Variants in GALNT18 observed in about 807,000 individuals in gnomAD.
GALNT18 encodes polypeptide N-acetylgalactosaminyltransferase 18.
Under a neutral mutation model 69.5 loss-of-function variants are expected in GALNT18, and 44 were observed. The observed-to-expected ratio is 0.63, with a 90% CI of 0.50 to 0.81. The LOEUF (loss-of-function observed/expected upper bound fraction) is 0.81, where lower values mean the gene tolerates loss of function less well. GALNT18 is among the 40% of genes least tolerant of loss of function. The pLI, the probability that GALNT18 is intolerant of heterozygous loss-of-function variation, is 0.00. For synonymous variants in GALNT18, 364 were observed against 318.2 expected, an observed-to-expected ratio of 1.14 and a Z score of -1.53; for missense variants, 715 against 810.0, an observed-to-expected ratio of 0.88 and a Z score of 1.42.
rs113741072 is a variant in GALNT18, at chr11:11,586,799, C to T, written c.235+34560G>A. 0.032 allele frequency among the ~76,000 whole-genome samples: 4,502 copies of T among 140,386 alleles called. 214 individuals are homozygous for T. Among genetic ancestry groups the T allele is most frequent in the African/African-American group, 0.11 (4,251 of 39,070 alleles). The allele number at this position is 140,386 out of a possible 152,430, so 92.1% of individuals were successfully genotyped here. On this transcript the variant is annotated intron_variant, in intron 1 of 10. Transcript: ENST00000227756. The surrounding 1 kb of genome is among the most constrained non-coding windows in gnomAD (Gnocchi z 4.1). ...GACCAGCCTGGCCAACATGGTTAAA[C>T]ACCATCTCTACTAAAAACACACACA...
chr11:11,274,818 T>C (rs1014148978), intron 10 of GALNT18, among the ~76,000 whole-genome samples: 3 of 152,238 alleles, frequency 2.0e-5, no homozygotes, highest in African/African-American at 7.2e-5. Flanking sequence ...TTCTGTTCTT[T>C]GCTGTTCTTA....
At chr11:11,458,232 T>G (rs1375473030) in intron 1 of GALNT18, among the ~76,000 whole-genome samples, 1 of 152,244 alleles carries the variant, frequency 6.6e-6, no homozygotes, top group Non-Finnish European at 1.5e-5. Context: ...TTGGGAAAGA[T>G]GAAAGCTAAG....
Position 11,347,273 on chromosome 11 carries a change from T to C in GALNT18, c.1093-6269A>G, listed in dbSNP as rs1412238844. Among the ~76,000 whole-genome samples the C allele has an allele frequency of 9.9e-5, 15 of 152,226 alleles. No individual in the cohort carries two copies. Among genetic ancestry groups the C allele is most frequent in the Admixed American group, 9.8e-4 (15 of 15,282 alleles). ...GTACTTGAGACACAACTGAGAGTTG[T>C]AAATTGGGTTAAAATAGGGACACAT... On this transcript the variant is annotated intron_variant, in intron 6 of 10. Coordinates refer to ENST00000227756, the MANE Select transcript of GALNT18 (RefSeq NM_198516.3). This position sits in a 1 kb window ranked among gnomAD's most constrained non-coding sequence, Gnocchi z 4.0.
intron 10 of GALNT18, among the ~76,000 whole-genome samples, chr11:11,292,624 G>C (rs1810766028): frequency 1.3e-5 from 2 of 152,142 alleles, no homozygotes; most frequent in African/African-American, 4.8e-5. Context: ...GCAGAGGCTT[G>C]TATAGGAGAA....
chr11:11,575,224 G>C (rs1266622903), intron 1 of GALNT18, among the ~76,000 whole-genome samples: 3 of 152,120 alleles, frequency 2.0e-5, no homozygotes, highest in Admixed American at 6.6e-5. Context: ...TGTGGGGCTG[G>C]GAGGAGGACC....
intron 3 of GALNT18, among the ~76,000 whole-genome samples, chr11:11,392,610 A>ACTC (rs748055534): frequency 2.6e-5 from 4 of 152,024 alleles, no homozygotes; most frequent in Non-Finnish European, 4.4e-5. Context: ...CAAAAGCGAA[A>ACTC]CTCCTTCTCA....
At chr11:11,292,442 T>G (rs1422488650) in intron 10 of GALNT18, among the ~76,000 whole-genome samples, 1 of 152,164 alleles carries the variant, frequency 6.6e-6, no homozygotes, top group African/African-American at 2.4e-5. Flanking sequence ...TAAAGGAATG[T>G]CCCACGGTCA....
At chr11:11,283,996 G>A (rs968361552) in intron 10 of GALNT18, among the ~76,000 whole-genome samples, 2 of 151,794 alleles carry the variant, frequency 1.3e-5, no homozygotes, top group Non-Finnish European at 2.9e-5. Context: ...GGAAAGGCAT[G>A]AGCAGAAGCA....
At chr11:11,346,531 G>T (rs1019050170) in intron 6 of GALNT18, among the ~76,000 whole-genome samples, 2 of 152,216 alleles carry the variant, frequency 1.3e-5, no homozygotes, top group Non-Finnish European at 2.9e-5. Flanking sequence ...TACTTGGGCT[G>T]CAGAGCTTAA....
At chr11:11,426,251 A>C (rs573075944) in intron 3 of GALNT18, among the ~76,000 whole-genome samples, 1 of 152,320 alleles carries the variant, frequency 6.6e-6, no homozygotes, top group East Asian at 1.9e-4. Flanking sequence ...CATTCATGCC[A>C]TATCCCTGGG....
rs1302654244 is a variant in GALNT18 at position 11,470,816 on chromosome 11, T to C, written c.236-21880A>G. On this transcript the variant is annotated intron_variant, in intron 1 of 10. Coordinates refer to ENST00000227756, the MANE Select transcript of GALNT18 (RefSeq NM_198516.3). This position sits in a 1 kb window ranked among gnomAD's most constrained non-coding sequence, Gnocchi z 4.8. ...GAAGTCAGGTACCATGGTGTCTCCA[T>C]GCTGCATTCTTAGCCTCTGACCATC... 6.6e-6 allele frequency among the ~76,000 whole-genome samples: 1 copy of C among 152,160 alleles called. No individual in the cohort carries two copies. The highest frequency in any genetic ancestry group is 2.4e-5 in the African/African-American group (1 of 41,432).
chr11:11,466,451 G>A (rs928308228), intron 1 of GALNT18, among the ~76,000 whole-genome samples: 1 of 152,216 alleles, frequency 6.6e-6, no homozygotes. Context: ...CGGACACCCA[G>A]GAAAGGAGGG....
rs948582859 is a variant in GALNT18, at chr11:11,461,428, A to G, written c.236-12492T>C. On this transcript the variant is annotated intron_variant, in intron 1 of 10. Transcript: ENST00000227756. The surrounding 1 kb of genome is among the most constrained non-coding windows in gnomAD (Gnocchi z 4.1). ...GTACATGTGAAAAAACTCATTTTAG[A>G]GAGTGACAAATGTCTGTATCTTAGG... 5.9e-5 allele frequency among the ~76,000 whole-genome samples: 9 copies of G among 152,226 alleles called. No individual in the cohort carries two copies. Among genetic ancestry groups the G allele is most frequent in the Admixed American group, 3.3e-4 (5 of 15,290 alleles).
intron 1 of GALNT18, among the ~76,000 whole-genome samples, chr11:11,517,622 T>C (rs1397798741): frequency 6.6e-6 from 1 of 152,122 alleles, no homozygotes; most frequent in African/African-American, 2.4e-5. Context: ...CTGTTCTAAA[T>C]AATATTTAAA....
At chr11:11,571,350 C>A (rs940108308) in intron 1 of GALNT18, among the ~76,000 whole-genome samples, 1 of 152,184 alleles carries the variant, frequency 6.6e-6, no homozygotes, top group African/African-American at 2.4e-5. Context: ...AACAGAAAAC[C>A]AATGAGTCTG....
Position 11,511,932 on chromosome 11 carries a change from C to T in GALNT18, c.236-62996G>A, listed in dbSNP as rs1857173404. 1.3e-5 allele frequency among the ~76,000 whole-genome samples: 2 copies of T among 152,156 alleles called. No homozygotes were observed. The highest frequency in any genetic ancestry group is 4.8e-5 in the African/African-American group (2 of 41,432). ...CCATCCACTCTATGGTGCTTTGTTA[C>T]AGCAGCTCAAACTGATCAACACATA... is the stretch of plus-strand genomic sequence containing the variant. On this transcript the variant is annotated intron_variant, in intron 1 of 10. Transcript: ENST00000227756. This position sits in a 1 kb window ranked among gnomAD's most constrained non-coding sequence, Gnocchi z 4.9.
chr11:11,480,903 C>A lies in GALNT18; in HGVS notation c.236-31967G>T, dbSNP rs1417936719. ...GACTTCTCAGGCCTTTCTTGGGAAC[C>A]TCCAAGAGTGAAATGTACCTACAGC... On this transcript the variant is annotated intron_variant, in intron 1 of 10. Transcript: ENST00000227756. This position sits in a 1 kb window ranked among gnomAD's most constrained non-coding sequence, Gnocchi z 4.6. Among the ~76,000 whole-genome samples the A allele has an allele frequency of 6.6e-6, 1 of 152,186 alleles. No homozygotes were observed. Among genetic ancestry groups the A allele is most frequent in the Non-Finnish European group, 1.5e-5 (1 of 68,036 alleles).
chr11:11,273,794 A>AG (rs1249983502), intron 10 of GALNT18, among the ~76,000 whole-genome samples: 2 of 152,234 alleles, frequency 1.3e-5, no homozygotes, highest in East Asian at 3.8e-4. Flanking sequence ...AATCAACCTA[A>AG]GTATCCATCA....
chr11:11,512,770 A>G (rs1239530932), intron 1 of GALNT18, among the ~76,000 whole-genome samples: 2 of 152,140 alleles, frequency 1.3e-5, no homozygotes, highest in African/African-American at 4.8e-5. Context: ...CAGTGGTATT[A>G]CCATGCTCTG....
Sources: allele counts gnomAD v4.1 joint callset (sites outside exome capture counted in the v4.1 genomes callset), GRCh38; gene constraint gnomAD v4.1.1; non-coding constraint Gnocchi (gnomAD v3.1); transcripts MANE v1.5; gene names NCBI Gene and HGNC (gene_info 2026-07-23, HGNC 2026-07-21).